Variants in NTM observed in about 807,000 individuals in gnomAD.
NTM encodes neurotrimin.
In NTM, 13 loss-of-function variants were observed where a neutral mutation model predicts 42.1. That is an observed-to-expected ratio of 0.31 (90% CI 0.20 to 0.49). The LOEUF (loss-of-function observed/expected upper bound fraction) is 0.49. NTM is among the 20% of genes least tolerant of loss of function. The pLI is 0.99. For synonymous variants in NTM, 187 were observed against 179.2 expected (o/e 1.04, Z -0.35); for missense variants, 373 against 452.8 (o/e 0.82, Z 1.60).
intron 1 of NTM, among the ~76,000 whole-genome samples, chr11:131,598,588 A>T (rs922202858): frequency 4.6e-5 from 7 of 152,112 alleles, no homozygotes; most frequent in Non-Finnish European, 8.8e-5. Context: ...TCCCAGGCTG[A>T]TGGGAACTCC....
intron 1 of NTM, among the ~76,000 whole-genome samples, chr11:131,659,497 G>A (rs2067668705): frequency 6.6e-6 from 1 of 152,138 alleles, no homozygotes; most frequent in Non-Finnish European, 1.5e-5. Context: ...TCGACTTCAA[G>A]GTCCTCTGGC....
chr11:132,278,769 C>T (rs897139694), intron 4 of NTM, among the ~76,000 whole-genome samples: 2 of 119,734 alleles, frequency 1.7e-5, no homozygotes, highest in Non-Finnish European at 3.8e-5. Flanking sequence ...CTCTCTCTCT[C>T]TCTCTCTCTC....
intron 1 of NTM, chr11:131,767,145 C>T (rs2085250844): frequency 3.1e-6 from 3 of 981,314 alleles, no homozygotes; most frequent in African/African-American, 1.7e-5. Context: ...GTTCAGGCTC[C>T]AGATTCCCGA....
chr11:131,632,939 C>T (rs984518358), intron 1 of NTM, among the ~76,000 whole-genome samples: 1 of 147,144 alleles, frequency 6.8e-6, no homozygotes, highest in African/African-American at 2.7e-5. Context: ...TCCCAAAGTG[C>T]TAGGATTACA....
intron 3 of NTM, among the ~76,000 whole-genome samples, chr11:132,147,921 G>A (rs916900691): frequency 5.9e-5 from 9 of 152,194 alleles, no homozygotes; most frequent in Admixed American, 5.9e-4. Context: ...AGTAGGGGAA[G>A]GCGGAACTTG....
intron 6 of NTM, among the ~76,000 whole-genome samples, chr11:132,312,073 C>A (rs2095297514): frequency 6.6e-6 from 1 of 152,214 alleles, no homozygotes; most frequent in African/African-American, 2.4e-5. Context: ...TTATTTATTT[C>A]CAGTGTGCTG....
chr11:132,224,273 T>A (rs868743912), intron 4 of NTM, among the ~76,000 whole-genome samples: 6 of 152,062 alleles, frequency 3.9e-5, no homozygotes, highest in African/African-American at 1.4e-4. Context: ...ATGAAGGCAG[T>A]TCAGGGAGCA....
At chr11:131,626,136 T>C (rs1400243738) in intron 1 of NTM, among the ~76,000 whole-genome samples, 1 of 152,132 alleles carries the variant, frequency 6.6e-6, no homozygotes, top group African/African-American at 2.4e-5. Context: ...AGTAACTTTA[T>C]AGATGTTGAA....
intron 1 of NTM, among the ~76,000 whole-genome samples, chr11:131,893,238 C>A (rs1373748288): frequency 6.6e-6 from 1 of 152,006 alleles, no homozygotes; most frequent in African/African-American, 2.4e-5. Context: ...GCATTGCTGG[C>A]CTAAAATATA....
At chr11:131,897,489 T>C (rs1316356091) in intron 1 of NTM, among the ~76,000 whole-genome samples, 1 of 152,214 alleles carries the variant, frequency 6.6e-6, no homozygotes, top group Non-Finnish European at 1.5e-5. Context: ...AAAGGTGCAA[T>C]GACTTTTGCA....
chr11:131,571,527 G>A (rs2057437045), intron 1 of NTM, among the ~76,000 whole-genome samples: 1 of 152,204 alleles, frequency 6.6e-6, no homozygotes, highest in South Asian at 2.1e-4. Flanking sequence ...ATTCTGGGAG[G>A]AAAGCTCCAT....
chr11:132,034,296 C>T (rs910554672), intron 2 of NTM, among the ~76,000 whole-genome samples: 1 of 152,210 alleles, frequency 6.6e-6, no homozygotes, highest in Non-Finnish European at 1.5e-5. Context: ...CTCTTTCCTG[C>T]CTGCCCAGAG....
intron 7 of NTM, among the ~76,000 whole-genome samples, chr11:132,327,410 TGCA>T (rs2095706979): frequency 6.6e-6 from 1 of 152,232 alleles, no homozygotes; most frequent in Non-Finnish European, 1.5e-5. Flanking sequence ...AGGAAACAAT[TGCA>T]GCAGAAGAGA....
intron 1 of NTM, among the ~76,000 whole-genome samples, chr11:131,850,822 G>A (rs1347743650): frequency 6.6e-6 from 1 of 152,202 alleles, no homozygotes; most frequent in Non-Finnish European, 1.5e-5. Context: ...TCAGGTGTGG[G>A]CTGAGGCGAG....
intron 4 of NTM, among the ~76,000 whole-genome samples, chr11:132,229,166 G>C (rs773647737): frequency 2.0e-5 from 3 of 152,122 alleles, no homozygotes; most frequent in African/African-American, 7.2e-5. Context: ...CGGTAGCTTG[G>C]CTATGTTCCA....
chr11:131,795,939 T>G, intron 1 of NTM: 2 of 980,366 alleles, frequency 2.0e-6, no homozygotes, highest in South Asian at 9.4e-5. Context: ...AGCTGCAGCA[T>G]GGAAGTGGTT....
chr11:131,855,558 T>C (rs1203113519), intron 1 of NTM, among the ~76,000 whole-genome samples: 1 of 152,216 alleles, frequency 6.6e-6, no homozygotes, highest in East Asian at 1.9e-4. Context: ...CACATCATTT[T>C]CCTTTTTCCT....
intron 2 of NTM, among the ~76,000 whole-genome samples, chr11:132,091,838 A>T (rs1444384705): frequency 5.3e-5 from 8 of 152,200 alleles, no homozygotes; most frequent in Admixed American, 1.3e-4. Flanking sequence ...TCCTGAGGTC[A>T]GACAACATGT....
chr11:131,445,759 G>A (rs1950009540), intron 1 of NTM, among the ~76,000 whole-genome samples: 1 of 152,094 alleles, frequency 6.6e-6, no homozygotes, highest in Non-Finnish European at 1.5e-5. Flanking sequence ...TTGCTTTTGG[G>A]GTGCACTCTA....
Sources: gnomAD v4.1 joint callset for allele counts (sites outside exome capture counted in the v4.1 genomes callset) on GRCh38, gnomAD v4.1.1 for gene constraint, MANE v1.5 for transcripts, NCBI Gene and HGNC (gene_info 2026-07-23, HGNC 2026-07-21) for gene names.